Variants in ITPRIPL2 observed in about 807,000 individuals in gnomAD.
ITPRIPL2 encodes the protein inositol 1,4,5-trisphosphate receptor-interacting protein-like 2.
A neutral mutation model predicts 31.7 loss-of-function variants in ITPRIPL2; 29 were observed. The observed-to-expected ratio is 0.91, with a 90% CI of 0.68 to 1.25. ITPRIPL2 has a LOEUF of 1.25. Ranked by LOEUF, ITPRIPL2 falls within the 50% of genes most tolerant of loss-of-function variation. The pLI is 0.00. For synonymous variants in ITPRIPL2, 344 were observed against 343.4 expected (o/e 1.00, Z -0.02); for missense variants, 696 against 739.1 (o/e 0.94, Z 0.68).
rs933138880 is a variant in ITPRIPL2 at position 19,118,280 on chromosome 16, A to G, written c.*2211A>G. ...GGAGTTCAAGACCAGCCTAGCCAAC[A>G]TAGTGAAACTCTGTCTCTACTAAAA... On this transcript the variant is annotated 3_prime_UTR_variant, in exon 1 of 1. Transcript: ENST00000381440. The G allele has an allele frequency of 1.2e-5, 2 of 166,700 alleles. No individual in the cohort carries two copies. The highest frequency in any genetic ancestry group is 3.9e-4 in the East Asian group (2 of 5,180). The allele number at this position is 166,700 out of a possible 1,614,324, so 10.3% of individuals were successfully genotyped here. A position where few individuals can be genotyped will look rare whatever the true frequency, so the allele number is the denominator to read the frequency against.
rs1963438066 is a variant in ITPRIPL2 at position 19,115,920 on chromosome 16, C to T, written c.1459C>T (p.His487Tyr). 6.2e-7 allele frequency: 1 copy of T among 1,612,328 alleles called. No individual in the cohort carries two copies. Among genetic ancestry groups the T allele is most frequent in the Non-Finnish European group, 8.5e-7 (1 of 1,179,748 alleles). The change falls in exon 1 of 1, where the codon CAC becomes TAC. Residue 487 changes from histidine (H) to tyrosine (Y), a missense_variant. His to Tyr is a moderately conservative substitution (Grantham distance 83). Coordinates refer to ENST00000381440, the MANE Select transcript of ITPRIPL2 (RefSeq NM_001034841.4). ...TGACCTCCTGGCCGCTTTCGACGGG[C>T]ACGCCCGGGAACTTGCAGCAGCGCG... ...PVDLLAAFDGHARELAAARLL... is the reference protein window; with the variant it reads ...PVDLLAAFDGYARELAAARLL...
In ITPRIPL2 at chr16:19,114,905, G is replaced by T; in HGVS notation, c.444G>T (p.Leu148=). The part of the protein sequence containing the change: ...GSPGLIPGGA[L]ALAFRGDFIQ... ...CCGGTCTCATTCCTGGGGGAGCGCTGGCCTTGGCCTTCCGCGGAGACTTCA... is the reference window on the plus strand; with the variant it reads ...CCGGTCTCATTCCTGGGGGAGCGCTTGCCTTGGCCTTCCGCGGAGACTTCA... The change falls in exon 1 of 1, where the codon CTG becomes CTT. Residue 148 remains leucine (L), a synonymous_variant. Transcript: ENST00000381440. 1 of 1,610,478 alleles carries T rather than the reference G, an allele frequency of 6.2e-7. No individual in the cohort carries two copies.
chr16:19,115,822 G>T lies in ITPRIPL2; in HGVS notation c.1361G>T (p.Cys454Phe). 1.2e-6 allele frequency: 2 copies of T among 1,612,810 alleles called. No individual in the cohort carries two copies. The highest frequency in any genetic ancestry group is 1.1e-5 in the South Asian group (1 of 91,088). Residue 454 changes from cysteine to phenylalanine, a missense_variant, in exon 1 of 1, where the codon TGC (cysteine) becomes TTC (phenylalanine). Coordinates refer to ENST00000381440, the MANE Select transcript of ITPRIPL2 (RefSeq NM_001034841.4). Reference sequence around the variant, plus strand: ...CTGCGACGCCATACGCTCTTCCACTGCGTCCTGGGCCCTGGTGGGGCGGCT... The same window carrying T: ...CTGCGACGCCATACGCTCTTCCACTTCGTCCTGGGCCCTGGTGGGGCGGCT... ...CLLRRHTLFH[C>F]VLGPGGAAAE...
chr16:19,115,207 C>T lies in ITPRIPL2; in HGVS notation c.746C>T (p.Thr249Ile), dbSNP rs370392722. 4.2e-5 allele frequency: 67 copies of T among 1,609,010 alleles called. No homozygotes were observed. Among genetic ancestry groups the T allele is most frequent in the Non-Finnish European group, 5.3e-5 (63 of 1,180,010 alleles). The stretch of plus-strand genomic sequence containing the variant: ...CGCGGGCGGCGTCACCTCTCTGCTA[C>T]TCTGGTGCTGCGCTGGTTCCAGTCG... ...DVRGRRHLSA[T>I]LVLRWFQSHL... Residue 249 changes from threonine to isoleucine, a missense_variant, in exon 1 of 1, where the codon ACT becomes ATT. Coordinates refer to ENST00000381440, the MANE Select transcript of ITPRIPL2 (RefSeq NM_001034841.4).
In ITPRIPL2 at chr16:19,117,943, G is replaced by A. The variant is rs1489854809; in HGVS notation, c.*1874G>A. 6.0e-6 allele frequency: 1 copy of A among 166,954 alleles called. No individual in the cohort carries two copies. The highest frequency in any genetic ancestry group is 1.5e-5 in the Non-Finnish European group (1 of 68,122). 10.3% of individuals were successfully genotyped at this position (166,954 alleles called of 1,614,324 possible). A position where few individuals can be genotyped will look rare whatever the true frequency, so the allele number is the denominator to read the frequency against. ...TCCTAGCTTTTGAGGTCAATGTTGG[G>A]TCATAAGGTACTGCATTGTGCAAAG... On this transcript the variant is annotated 3_prime_UTR_variant, in exon 1 of 1. Coordinates refer to ENST00000381440, the MANE Select transcript of ITPRIPL2 (RefSeq NM_001034841.4).
chr16:19,116,390 G>A lies in ITPRIPL2; in HGVS notation c.*321G>A. ...CTTTTAGAGAAGTCCAGTAGAAGAA[G>A]CAAGAACTAGCTGCAGGGAAAGTTC... On this transcript the variant is annotated 3_prime_UTR_variant, in exon 1 of 1. Transcript: ENST00000381440. 3.2e-6 allele frequency: 1 copy of A among 312,084 alleles called. No individual in the cohort carries two copies. Among genetic ancestry groups the A allele is most frequent in the Non-Finnish European group, 6.2e-6 (1 of 162,092 alleles). The allele number at this position is 312,084 out of a possible 1,614,324, so 19.3% of individuals were successfully genotyped here. A position where few individuals can be genotyped will look rare whatever the true frequency, so the allele number is the denominator to read the frequency against.
chr16:19,114,991 T>C lies in ITPRIPL2; in HGVS notation c.530T>C (p.Leu177Pro), dbSNP rs778516824. 2.5e-6 allele frequency: 4 copies of C among 1,600,352 alleles called. No individual in the cohort carries two copies. The highest frequency in any genetic ancestry group is 3.4e-6 in the Non-Finnish European group (4 of 1,179,562). Residue 177 changes from leucine to proline, a missense_variant, in exon 1 of 1, where the codon CTG (leucine) becomes CCG (proline). Physicochemically the swap from Leu to Pro is moderately conservative, Grantham distance 98 (BLOSUM62 -3). Transcript: ENST00000381440. ...CGCCGGCCCGACAGCTTCGACGTGC[T>C]GGTGCCACTGCGCCTCCCGCCGCTT... ...KIRRPDSFDV[L>P]VPLRLPPLVA...
rs1281953645 is a variant in ITPRIPL2, at chr16:19,114,703, T to G, written c.242T>G (p.Leu81Arg). 6.2e-7 allele frequency: 1 copy of G among 1,612,582 alleles called. No individual in the cohort carries two copies. The highest frequency in any genetic ancestry group is 1.3e-5 in the African/African-American group (1 of 74,928). ...CGCTTCCTGCCCGGGTCTCCCCGTCTGGAGGGTCACGCCGCCTTCTCCTCG... is the reference window on the plus strand; with the variant it reads ...CGCTTCCTGCCCGGGTCTCCCCGTCGGGAGGGTCACGCCGCCTTCTCCTCG... ...RQRFLPGSPRLEGHAAFSSRH... is the reference protein window; with the variant it reads ...RQRFLPGSPRREGHAAFSSRH... The change falls in exon 1 of 1, where the codon CTG becomes CGG. Residue 81 changes from leucine (L) to arginine (R), a missense_variant. Leu to Arg is a moderately radical substitution (Grantham distance 102, BLOSUM62 -2). Coordinates refer to ENST00000381440, the MANE Select transcript of ITPRIPL2 (RefSeq NM_001034841.4).
Position 19,114,435 on chromosome 16 carries a change from C to T in ITPRIPL2, c.-27C>T, listed in dbSNP as rs1360715646. The T allele has an allele frequency of 2.2e-5, 31 of 1,387,680 alleles. No individual in the cohort carries two copies. The highest frequency in any genetic ancestry group is 2.5e-5 in the Non-Finnish European group (27 of 1,073,080). The allele number at this position is 1,387,680 out of a possible 1,614,324, so 86.0% of individuals were successfully genotyped here. A position where few individuals can be genotyped will look rare whatever the true frequency, so the allele number is the denominator to read the frequency against. On this transcript the variant is annotated 5_prime_UTR_variant, in exon 1 of 1. Coordinates refer to ENST00000381440, the MANE Select transcript of ITPRIPL2 (RefSeq NM_001034841.4). ...GCCGGGGCTTGCCCCCTGGGCTGCT[C>T]GGCCACCGCCGCCCCGGGCGCCCGG...
rs1963416784 is a variant in ITPRIPL2 at position 19,114,985 on chromosome 16, A to ACGTG, written c.526_529dup (p.Leu177ArgfsTer59). 1.2e-6 allele frequency: 2 copies of ACGTG among 1,600,848 alleles called. No individual in the cohort carries two copies. Among genetic ancestry groups the ACGTG allele is most frequent in the South Asian group, 2.2e-5 (2 of 91,070 alleles). On this transcript the variant is annotated frameshift_variant, in exon 1 of 1. Coordinates refer to ENST00000381440, the MANE Select transcript of ITPRIPL2 (RefSeq NM_001034841.4). LOFTEE classifies it high-confidence loss of function. Reference sequence around the variant, plus strand: ...AAAATCCGCCGGCCCGACAGCTTCGACGTGCTGGTGCCACTGCGCCTCCCG... The same window carrying ACGTG: ...AAAATCCGCCGGCCCGACAGCTTCGACGTGCGTGCTGGTGCCACTGCGCCTCCCG...
At position 19,115,830 on chromosome 16, in the gene ITPRIPL2, G is replaced by A. The variant is rs1230689378; in HGVS notation, c.1369G>A (p.Gly457Ser). The change falls in exon 1 of 1, where the codon GGC becomes AGC. Residue 457 changes from glycine (G) to serine (S), a missense_variant. Gly to Ser is a moderately conservative substitution (Grantham distance 56, BLOSUM62 0). Transcript: ENST00000381440. Reference sequence around the variant, plus strand: ...CCATACGCTCTTCCACTGCGTCCTGGGCCCTGGTGGGGCGGCTGCCGAGGT... The same window carrying A: ...CCATACGCTCTTCCACTGCGTCCTGAGCCCTGGTGGGGCGGCTGCCGAGGT... The part of the protein sequence containing the change: ...RRHTLFHCVL[G>S]PGGAAAEVGP... The A allele has an allele frequency of 6.2e-7, 1 of 1,612,640 alleles. No individual in the cohort carries two copies. The highest frequency in any genetic ancestry group is 8.5e-7 in the Non-Finnish European group (1 of 1,179,934).
rs550861639 is a variant in ITPRIPL2 at position 19,115,081 on chromosome 16, T to G, written c.620T>G (p.Phe207Cys). 8.1e-6 allele frequency: 13 copies of G among 1,599,512 alleles called. No individual in the cohort carries two copies. The highest frequency in any genetic ancestry group is 2.7e-5 in the African/African-American group (2 of 74,914). ...PALAPAFRGC[F>C]LCALKAPPSP... ...CTGGCCCCGGCCTTCCGCGGCTGCT[T>G]CTTGTGCGCCCTCAAGGCACCACCC... The change falls in exon 1 of 1, where the codon TTC becomes TGC. Residue 207 changes from phenylalanine to cysteine, a missense_variant. Physicochemically the swap from Phe to Cys is radical, Grantham distance 205 (BLOSUM62 -2). Transcript: ENST00000381440.
rs979556325 is a variant in ITPRIPL2, at chr16:19,118,052, A to G, written c.*1983A>G. The stretch of plus-strand genomic sequence containing the variant: ...TTTTTAAAATAAATGCCAAGAGTAG[A>G]TCTTATATATATATATATGTATACA... On this transcript the variant is annotated 3_prime_UTR_variant, in exon 1 of 1. Coordinates refer to ENST00000381440, the MANE Select transcript of ITPRIPL2 (RefSeq NM_001034841.4). 23 of 160,808 alleles carry G rather than the reference A, an allele frequency of 1.4e-4. No homozygotes were observed. The highest frequency in any genetic ancestry group is 4.7e-4 in the Admixed American group (7 of 14,902). The allele number at this position is 160,808 out of a possible 1,614,324, so 10.0% of individuals were successfully genotyped here. A position where few individuals can be genotyped will look rare whatever the true frequency, so the allele number is the denominator to read the frequency against.
In ITPRIPL2 at chr16:19,120,695, C is replaced by G. The variant is rs1963509312; in HGVS notation, c.*4626C>G. ...GCCAGGCTGGTCTCGAACTCCTGAC[C>G]TCAGGTGATCTACCTGCCTCGGCCT... On this transcript the variant is annotated 3_prime_UTR_variant, in exon 1 of 1. Coordinates refer to ENST00000381440, the MANE Select transcript of ITPRIPL2 (RefSeq NM_001034841.4). 6.5e-6 allele frequency: 1 copy of G among 152,882 alleles called. No individual in the cohort carries two copies. Among genetic ancestry groups the G allele is most frequent in the African/African-American group, 2.5e-5 (1 of 39,908 alleles). 9.5% of individuals were successfully genotyped at this position (152,882 alleles called of 1,614,324 possible). A position where few individuals can be genotyped will look rare whatever the true frequency, so the allele number is the denominator to read the frequency against.
Position 19,114,376 on chromosome 16 carries a change from C to T in ITPRIPL2, c.-86C>T. The T allele has an allele frequency of 9.1e-7, 1 of 1,093,176 alleles. No individual in the cohort carries two copies. Among genetic ancestry groups the T allele is most frequent in the Non-Finnish European group, 1.2e-6 (1 of 852,662 alleles). The allele number at this position is 1,093,176 out of a possible 1,614,324, so 67.7% of individuals were successfully genotyped here. A position where few individuals can be genotyped will look rare whatever the true frequency, so the allele number is the denominator to read the frequency against. On this transcript the variant is annotated 5_prime_UTR_variant, in exon 1 of 1. Coordinates refer to ENST00000381440, the MANE Select transcript of ITPRIPL2 (RefSeq NM_001034841.4). ...GAGGAGACGGGGACAGCGGGGCTGC[C>T]CGGGCGCTGTGCGCATGCTGGGCTT...
chr16:19,114,962 A>T lies in ITPRIPL2; in HGVS notation c.501A>T (p.Lys167Asn), dbSNP rs1248642304. 2 of 1,604,616 alleles carry T rather than the reference A, an allele frequency of 1.2e-6. No individual in the cohort carries two copies. The highest frequency in any genetic ancestry group is 1.7e-6 in the Non-Finnish European group (2 of 1,179,666). Residue 167 changes from lysine to asparagine, a missense_variant, in exon 1 of 1, where the codon AAA (lysine) becomes AAT (asparagine). By Grantham distance (94) the Lys-to-Asn change is moderately conservative. Coordinates refer to ENST00000381440, the MANE Select transcript of ITPRIPL2 (RefSeq NM_001034841.4). ...IQVGSAYEQH[K>N]IRRPDSFDVL... is the part of the protein sequence containing the mutation. Reference sequence around the variant, plus strand: ...TGGGCAGCGCCTACGAGCAACATAAAATCCGCCGGCCCGACAGCTTCGACG... The same window carrying T: ...TGGGCAGCGCCTACGAGCAACATAATATCCGCCGGCCCGACAGCTTCGACG...
In ITPRIPL2 at chr16:19,119,327, G is replaced by T; in HGVS notation, c.*3258G>T. ...GAGAGAGGTTTGGGTTAGGAAACAT[G>T]TTTTTAGTGCTATTTCCAACCAGGG... On this transcript the variant is annotated 3_prime_UTR_variant, in exon 1 of 1. Transcript: ENST00000381440. The T allele has an allele frequency of 4.4e-5, 13 of 295,982 alleles. No individual in the cohort carries two copies. The highest frequency in any genetic ancestry group is 5.8e-5 in the East Asian group (1 of 17,234). The allele number at this position is 295,982 out of a possible 1,614,324, so 18.3% of individuals were successfully genotyped here.
rs1370927793 is a variant in ITPRIPL2, at chr16:19,118,283, G to A, written c.*2214G>A. ...GTTCAAGACCAGCCTAGCCAACATAGTGAAACTCTGTCTCTACTAAAAAAT... is the reference window on the plus strand; with the variant it reads ...GTTCAAGACCAGCCTAGCCAACATAATGAAACTCTGTCTCTACTAAAAAAT... On this transcript the variant is annotated 3_prime_UTR_variant, in exon 1 of 1. Transcript: ENST00000381440. The A allele has an allele frequency of 6.0e-6, 1 of 166,644 alleles. No homozygotes were observed. Among genetic ancestry groups the A allele is most frequent in the African/African-American group, 2.4e-5 (1 of 41,328 alleles). The allele number at this position is 166,644 out of a possible 1,614,324, so 10.3% of individuals were successfully genotyped here. A position where few individuals can be genotyped will look rare whatever the true frequency, so the allele number is the denominator to read the frequency against.
At position 19,119,400 on chromosome 16, in the gene ITPRIPL2, A is replaced by C. The variant is rs773604376; in HGVS notation, c.*3331A>C. ...GAAACAGGGGTGGGAGGTGGGGGGG[A>C]AGCTGTGCCCACCTTTAAAGAGGGG... On this transcript the variant is annotated 3_prime_UTR_variant, in exon 1 of 1. Coordinates refer to ENST00000381440, the MANE Select transcript of ITPRIPL2 (RefSeq NM_001034841.4). 90 of 233,526 alleles carry C rather than the reference A, an allele frequency of 3.9e-4. No individual in the cohort carries two copies. The highest frequency in any genetic ancestry group is 2.5e-4 in the Non-Finnish European group (28 of 112,758). The allele number at this position is 233,526 out of a possible 1,614,324, so 14.5% of individuals were successfully genotyped here.
Sources: gnomAD v4.1 joint callset for allele counts on GRCh38, gnomAD v4.1.1 for gene constraint, MANE v1.5 for transcripts, NCBI Gene and HGNC (gene_info 2026-07-23, HGNC 2026-07-21) for gene names.